Variants in PSMB5 observed in about 807,000 individuals in gnomAD.
PSMB5 encodes proteasome 20S subunit beta 5.
A neutral mutation model predicts 22.8 loss-of-function variants in PSMB5; 2 were observed. The observed-to-expected ratio is 0.09, with a 90% CI of 0.04 to 0.28. The LOEUF is 0.28. Among genes scored for constraint, PSMB5 ranks in the 10% least tolerant of loss-of-function variants. The pLI is 1.00. For missense variants in PSMB5, 269 were observed against 343.8 expected (o/e 0.78, Z 1.72); for synonymous variants, 133 against 135.3 (o/e 0.98, Z 0.12).
chr14:23,030,181 T>G (rs2046942819), intron 2 of PSMB5, among the ~76,000 whole-genome samples: 1 of 150,426 alleles, frequency 6.6e-6, no homozygotes. Flanking sequence ...CCCAGCCAAC[T>G]GGTTCTTTTA....
At chr14:23,030,687 G>C (rs905471818) in intron 2 of PSMB5, among the ~76,000 whole-genome samples, 7 of 152,186 alleles carry the variant, frequency 4.6e-5, no homozygotes, top group African/African-American at 9.6e-5. Flanking sequence ...AGCACTTTGG[G>C]AGGCTGAGGC....
chr14:23,028,319 C>G (rs2046930690), intron 2 of PSMB5, among the ~76,000 whole-genome samples: 2 of 152,162 alleles, frequency 1.3e-5, no homozygotes, highest in African/African-American at 4.8e-5. Context: ...TTTAGACTAT[C>G]TGGAGAACAA....
intron 2 of PSMB5, among the ~76,000 whole-genome samples, chr14:23,033,103 C>T (rs1331613849): frequency 1.3e-5 from 2 of 151,672 alleles, no homozygotes; most frequent in African/African-American, 2.4e-5. Context: ...GATGGGGTTT[C>T]GCCATGTTGG....
At position 23,026,310 on chromosome 14, in the gene PSMB5, A is replaced by G; in HGVS notation, c.571T>C (p.Ser191Pro). 6.2e-7 allele frequency: 1 copy of G among 1,614,074 alleles called. No individual in the cohort carries two copies. Among genetic ancestry groups the G allele is most frequent in the Non-Finnish European group, 8.5e-7 (1 of 1,180,004 alleles). ...SGATFSVGSG[S>P]VYAYGVMDRG... Reference sequence around the variant, plus strand: ...TCCATGACCCCATATGCATACACAGAGCCAGAACCTACAGAGAAGGTGGCC... The same window carrying G: ...TCCATGACCCCATATGCATACACAGGGCCAGAACCTACAGAGAAGGTGGCC... The change falls in exon 3 of 3, where the codon TCT becomes CCT. Residue 191 changes from serine to proline, a missense_variant. Ser to Pro is a moderately conservative substitution (Grantham distance 74). Coordinates refer to ENST00000361611, the MANE Select transcript of PSMB5 (RefSeq NM_002797.5).
intron 1 of PSMB5, among the ~76,000 whole-genome samples, chr14:23,034,020 A>G (rs958096410): frequency 6.6e-6 from 1 of 151,756 alleles, no homozygotes; most frequent in Non-Finnish European, 1.5e-5. Flanking sequence ...AAGTAAAAAA[A>G]CTTAGCCTGT....
rs745677945 is a variant in PSMB5, at chr14:23,034,667, G to A, written c.198+17C>T. On this transcript the variant is annotated intron_variant, in intron 1 of 2. Transcript: ENST00000361611. ...GGGCGTTCAGTACTCAGCCTGGCAA[G>A]GGGGCTGGCTCCACACCTTGAAGGC... The A allele has an allele frequency of 1.2e-6, 2 of 1,613,032 alleles. No individual in the cohort carries two copies. The highest frequency in any genetic ancestry group is 1.7e-6 in the Non-Finnish European group (2 of 1,179,622).
rs757517791 is a variant in PSMB5 at position 23,034,854 on chromosome 14, G to A, written c.28C>T (p.Pro10Ser). Residue 10 changes from proline (P) to serine (S), a missense_variant, in exon 1 of 3, where the codon CCG becomes TCG. Pro to Ser is a moderately conservative substitution (Grantham distance 74). Transcript: ENST00000361611. ...AACCCGCGCTGGTTCACCGGTAGCGGTCTCTCCAACACGCTGGCAAGCGCC... is the reference window on the plus strand; with the variant it reads ...AACCCGCGCTGGTTCACCGGTAGCGATCTCTCCAACACGCTGGCAAGCGCC... MALASVLER[P>S]LPVNQRGFFG... 18 of 1,614,094 alleles carry A rather than the reference G, an allele frequency of 1.1e-5. No individual in the cohort carries two copies. In the South Asian group the frequency reaches 1.9e-4, roughly 17 times the overall value.
chr14:23,033,066 C>T (rs964258264), intron 2 of PSMB5, among the ~76,000 whole-genome samples: 4 of 151,568 alleles, frequency 2.6e-5, no homozygotes, highest in Non-Finnish European at 5.9e-5. Flanking sequence ...GCCACCACGC[C>T]GGGCTAATTT....
intron 2 of PSMB5, chr14:23,027,713 C>G: frequency 6.9e-7 from 1 of 1,445,344 alleles, no homozygotes; most frequent in Non-Finnish European, 9.5e-7. Context: ...TACAACATAC[C>G]ACCCCATCTC....
At position 23,025,988 on chromosome 14, in the gene PSMB5, G is replaced by T. The variant is rs1264224811; in HGVS notation, c.*101C>A. ...CTTAAAAAAAAGTACTGATACAATT[G>T]AAGGCCCTTCCACTATAAATAGGAT... On this transcript the variant is annotated 3_prime_UTR_variant, in exon 3 of 3. Transcript: ENST00000361611. The T allele has an allele frequency of 1.9e-6, 3 of 1,540,422 alleles. No homozygotes were observed. The highest frequency in any genetic ancestry group is 2.6e-6 in the Non-Finnish European group (3 of 1,144,594).
intron 2 of PSMB5, among the ~76,000 whole-genome samples, chr14:23,026,852 G>C (rs546534864): frequency 4.7e-5 from 7 of 149,744 alleles, no homozygotes; most frequent in Non-Finnish European, 4.5e-5. Context: ...GGAGGCTGAG[G>C]TGGGCAGATC....
In PSMB5 at chr14:23,026,341, A is replaced by G. The variant is rs2046913043; in HGVS notation, c.540T>C (p.Ile180=). 1 of 1,614,116 alleles carries G rather than the reference A, an allele frequency of 6.2e-7. No homozygotes were observed. Among genetic ancestry groups the G allele is most frequent in the Admixed American group, 1.7e-5 (1 of 60,016 alleles). The change falls in exon 3 of 3, where the codon ATT becomes ATC. Residue 180 remains isoleucine (I), a synonymous_variant. Transcript: ENST00000361611. ...AACCTACAGAGAAGGTGGCCCCTGA[A>G]ATCCGGTTCCCTTCACTGTCCACGT... ...LYYVDSEGNR[I]SGATFSVGSG...
rs2046913625 is a variant in PSMB5, at chr14:23,026,387, G to A, written c.506-12C>T. Reference sequence around the variant, plus strand: ...CACGTAGTAGAGGCCTGGAAAGGGAGATGAGGTTAGCAGGAAAAAAAAAAA... The same window carrying A: ...CACGTAGTAGAGGCCTGGAAAGGGAAATGAGGTTAGCAGGAAAAAAAAAAA... On this transcript the variant is annotated splice_polypyrimidine_tract_variant and intron_variant, in intron 2 of 2. Transcript: ENST00000361611. 2.5e-6 allele frequency: 4 copies of A among 1,607,014 alleles called. No individual in the cohort carries two copies. The East Asian group carries it at 6.7e-5, about 27-fold the overall frequency.
chr14:23,034,814 C>T lies in PSMB5; in HGVS notation c.68G>A (p.Gly23Asp), dbSNP rs1303493105. 6.2e-7 allele frequency: 1 copy of T among 1,614,126 alleles called. No individual in the cohort carries two copies. The highest frequency in any genetic ancestry group is 1.3e-5 in the African/African-American group (1 of 74,946). Reference sequence around the variant, plus strand: ...ACCTAGATCCAGCAGATCTGCACGACCCCCAAGTCCGAAAAACCCGCGCTG... The same window carrying T: ...ACCTAGATCCAGCAGATCTGCACGATCCCCAAGTCCGAAAAACCCGCGCTG... ...VNQRGFFGLG[G>D]RADLLDLGPG... is the part of the protein sequence containing the mutation. Residue 23 changes from glycine (G) to aspartate (D), a missense_variant, in exon 1 of 3, where the codon GGT becomes GAT. Around this residue, in one of 3 missense-constraint regions of PSMB5, gnomAD observed 81 missense variants for 70.4 expected, o/e 1.15. Transcript: ENST00000361611.
At chr14:23,034,919 C>G, upstream of PSMB5, 1 of 1,595,714 alleles carries the variant, frequency 6.3e-7, no homozygotes, top group African/African-American at 1.3e-5. Flanking sequence ...CTGAGAACGC[C>G]TAGCAAAGAT....
chr14:23,034,497 T>C, intron 1 of PSMB5, 187 bp downstream of exon 1: 2 of 692,266 alleles, frequency 2.9e-6, no homozygotes, highest in South Asian at 4.0e-5. Context: ...CCGCCACCCT[T>C]TCCAACCAGA....
Position 23,034,781 on chromosome 14 carries a change from C to G in PSMB5, c.101G>C (p.Ser34Thr). ...RADLLDLGPG[S>T]LSDGLSLAAP... ...GGCCAGGCTCAGACCATCACTGAGA[C>G]TCCCTGGACCTAGATCCAGCAGATC... The change falls in exon 1 of 3, where the codon AGT becomes ACT. Residue 34 changes from serine to threonine, a missense_variant. Ser to Thr is a moderately conservative substitution (Grantham distance 58). This residue lies in a region of PSMB5 where 81 missense variants were observed against 70.4 expected (regional missense o/e 1.15). Transcript: ENST00000361611. 1.9e-6 allele frequency: 3 copies of G among 1,614,220 alleles called. No homozygotes were observed. The highest frequency in any genetic ancestry group is 2.2e-5 in the South Asian group (2 of 91,088).
intron 2 of PSMB5, among the ~76,000 whole-genome samples, chr14:23,030,057 T>C (rs1487610922): frequency 1.3e-5 from 2 of 152,022 alleles, no homozygotes; most frequent in Non-Finnish European, 2.9e-5. Context: ...TTTGTATTTT[T>C]AGTAGAGACA....
At chr14:23,030,702 G>A (rs2139917755) in intron 2 of PSMB5, among the ~76,000 whole-genome samples, 1 of 152,254 alleles carries the variant, frequency 6.6e-6, no homozygotes, top group East Asian at 1.9e-4. Context: ...TGAGGCAGGT[G>A]GATCACCCGA....
Sources: gnomAD v4.1 joint callset for allele counts (sites outside exome capture counted in the v4.1 genomes callset) on GRCh38, gnomAD v4.1.1 for gene constraint, gnomAD v4.1.1 regional missense constraint, MANE v1.5 for transcripts, NCBI Gene and HGNC (gene_info 2026-07-23, HGNC 2026-07-21) for gene names.